The following RNF150 variants were observed in gnomAD, a reference collection of about 807,000 sequenced individuals.
RNF150 encodes ring finger protein 150.
In RNF150, 24 loss-of-function variants were observed where a neutral mutation model predicts 39.3. That is an observed-to-expected ratio of 0.61 (90% confidence interval 0.44 to 0.86). The LOEUF (loss-of-function observed/expected upper bound fraction) is 0.86. Among genes scored for constraint, RNF150 ranks in the 40% least tolerant of loss-of-function variants. The probability of loss-of-function intolerance (pLI) is 0.00; values close to 1 mark genes in which losing one functional copy is unlikely to be tolerated. For missense variants in RNF150, 502 were observed against 587.8 expected, an observed-to-expected ratio of 0.85 and a Z score of 1.51; for synonymous variants, 255 against 227.3, an observed-to-expected ratio of 1.12 and a Z score of -1.10.
rs1734564948 is a variant in RNF150, at chr4:141,000,010, AGAAGAAG to A, written c.485-32144_485-32138del. On this transcript the variant is annotated intron_variant, in intron 1 of 6. Coordinates refer to ENST00000515673, the MANE Select transcript of RNF150 (RefSeq NM_020724.2). ...AAAGAAGAAAAGAAGAAGAAGAAGA[AGAAGAAG>A]AAGAAGAAGAAGAAGAAGAAGAAGA... 7.5e-4 allele frequency among the ~76,000 whole-genome samples: 28 copies of A among 37,348 alleles called. 1 individual carries two copies. Among genetic ancestry groups the A allele is most frequent in the African/African-American group, 2.7e-3 (27 of 10,028 alleles). 24.5% of individuals were successfully genotyped at this position (37,348 alleles called of 152,430 possible).
chr4:140,957,711 T>C (rs1325159865), intron 2 of RNF150, among the ~76,000 whole-genome samples: 1 of 151,990 alleles, frequency 6.6e-6, no homozygotes, highest in Non-Finnish European at 1.5e-5. Context: ...CATGGAATAC[T>C]ATGCAGCCAT....
chr4:140,904,608 C>A (rs1345558375), intron 6 of RNF150, among the ~76,000 whole-genome samples: 1 of 152,206 alleles, frequency 6.6e-6, no homozygotes, highest in Non-Finnish European at 1.5e-5. Flanking sequence ...CTGAGTGCAT[C>A]AGTATATTTT....
chr4:141,164,942 AT>A (rs1727575756), intron 1 of RNF150, among the ~76,000 whole-genome samples: 1 of 152,230 alleles, frequency 6.6e-6, no homozygotes, highest in Non-Finnish European at 1.5e-5. Flanking sequence ...AAATTCACAC[AT>A]AACAATATTA....
intron 4 of RNF150, among the ~76,000 whole-genome samples, chr4:140,942,250 C>A (rs1402109062): frequency 6.6e-6 from 1 of 152,202 alleles, no homozygotes; most frequent in Admixed American, 6.5e-5. Flanking sequence ...TAACAGGTAA[C>A]CTTGCTCAGG....
chr4:141,147,572 G>A (rs1727223942), intron 1 of RNF150, among the ~76,000 whole-genome samples: 1 of 152,214 alleles, frequency 6.6e-6, no homozygotes, highest in Non-Finnish European at 1.5e-5. Context: ...CAGAGGGAAT[G>A]GATTTTGGTG....
intron 1 of RNF150, among the ~76,000 whole-genome samples, chr4:141,062,257 C>T (rs1356597856): frequency 6.6e-6 from 1 of 151,872 alleles, no homozygotes; most frequent in Non-Finnish European, 1.5e-5. Flanking sequence ...GCGTAAAATT[C>T]TCTTTGTTTT....
chr4:140,968,619 A>T (rs1373482569), intron 1 of RNF150, among the ~76,000 whole-genome samples: 1 of 151,770 alleles, frequency 6.6e-6, no homozygotes, highest in Non-Finnish European at 1.5e-5. Context: ...AGTACAGATA[A>T]TTCCAGGATT....
chr4:141,168,114 C>T (rs1727633774), intron 1 of RNF150, among the ~76,000 whole-genome samples: 1 of 151,986 alleles, frequency 6.6e-6, no homozygotes, highest in Admixed American at 6.6e-5. Context: ...AACAAACAAC[C>T]CCATCAAAAA....
chr4:140,989,243 C>T (rs935230980), intron 1 of RNF150, among the ~76,000 whole-genome samples: 6 of 152,016 alleles, frequency 3.9e-5, no homozygotes, highest in Admixed American at 3.9e-4. Flanking sequence ...GAGACTTTTA[C>T]AACAAGGCAG....
intron 5 of RNF150, among the ~76,000 whole-genome samples, chr4:140,913,062 A>AGGTGACCTAACCAT (rs1258098619): frequency 6.6e-6 from 1 of 151,990 alleles, no homozygotes; most frequent in Non-Finnish European, 1.5e-5. Flanking sequence ...TCACGAAGTC[A>AGGTGACCTAACCAT]GGTGACCTAA....
intron 1 of RNF150, among the ~76,000 whole-genome samples, chr4:141,199,242 C>T (rs1728252517): frequency 6.6e-6 from 1 of 152,128 alleles, no homozygotes; most frequent in African/African-American, 2.4e-5. Context: ...GGATATAGCG[C>T]AATTAGAACT....
chr4:141,070,639 C>T (rs1401537296), intron 1 of RNF150, among the ~76,000 whole-genome samples: 2 of 149,346 alleles, frequency 1.3e-5, no homozygotes, highest in South Asian at 4.3e-4. Flanking sequence ...AAATGCTCAC[C>T]ATCACTGGGC....
chr4:140,928,175 G>A (rs1316477402), intron 4 of RNF150, among the ~76,000 whole-genome samples: 1 of 152,172 alleles, frequency 6.6e-6, no homozygotes, highest in East Asian at 1.9e-4. Context: ...CAGCAGGAGA[G>A]GCAGACATTA....
intron 1 of RNF150, among the ~76,000 whole-genome samples, chr4:141,156,471 G>A (rs1434218787): frequency 3.3e-5 from 5 of 152,018 alleles, no homozygotes; most frequent in Middle Eastern, 3.4e-3. Context: ...TTTTAGAGAC[G>A]AGGTCTTTCT....
chr4:141,022,176 C>T (rs1735520003), intron 1 of RNF150, among the ~76,000 whole-genome samples: 8 of 152,110 alleles, frequency 5.3e-5, no homozygotes, highest in Admixed American at 5.2e-4. Context: ...TGGTACAAAA[C>T]GTGAACCAAG....
intron 1 of RNF150, among the ~76,000 whole-genome samples, chr4:141,066,090 C>G (rs558199286): frequency 6.6e-6 from 1 of 152,060 alleles, no homozygotes; most frequent in Non-Finnish European, 1.5e-5. Context: ...TCATCTGATC[C>G]CAGTGTGTTC....
intron 1 of RNF150, among the ~76,000 whole-genome samples, chr4:141,180,514 A>C (rs962759504): frequency 5.9e-5 from 9 of 152,174 alleles, no homozygotes; most frequent in African/African-American, 2.2e-4. Context: ...GAATAGGTAC[A>C]AAATGGTCTG....
At chr4:141,207,965 C>CA (rs66969003) in intron 1 of RNF150, among the ~76,000 whole-genome samples, 7,606 of 151,392 alleles carry the variant, frequency 0.05, 264 homozygotes, top group Non-Finnish European at 0.078. Flanking sequence ...AAACAGAAAA[C>CA]AAAAAAAAGC....
At chr4:141,059,162 G>A (rs1216361652) in intron 1 of RNF150, among the ~76,000 whole-genome samples, 1 of 152,168 alleles carries the variant, frequency 6.6e-6, no homozygotes, top group Non-Finnish European at 1.5e-5. Flanking sequence ...GGGCTCCAAA[G>A]TCTTTCCTAC....
Sources: gnomAD v4.1 joint callset for allele counts (sites outside exome capture counted in the v4.1 genomes callset) on GRCh38, gnomAD v4.1.1 for gene constraint, MANE v1.5 for transcripts, NCBI Gene and HGNC (gene_info 2026-07-23, HGNC 2026-07-21) for gene names.